Variants in UBXN2A observed in about 807,000 individuals in gnomAD.
UBXN2A encodes the protein UBX domain-containing protein 2A.
Under a neutral mutation model 28.4 loss-of-function variants are expected in UBXN2A, and 28 were observed. The ratio of observed to expected loss-of-function variants is 0.99; its 90% CI spans 0.73 to 1.35. UBXN2A has a LOEUF of 1.35. UBXN2A is among the 40% of genes most tolerant of loss of function. The pLI, the probability that UBXN2A is intolerant of heterozygous loss-of-function variation, is 0.00. For missense variants in UBXN2A, 253 were observed against 297.9 expected, an observed-to-expected ratio of 0.85 and a Z score of 1.11; for synonymous variants, 97 against 103.6, an observed-to-expected ratio of 0.94 and a Z score of 0.39.
At chr2:23,952,762 A>G (rs1296112291) in intron 1 of UBXN2A, among the ~76,000 whole-genome samples, 1 of 152,084 alleles carries the variant, frequency 6.6e-6, no homozygotes, top group Non-Finnish European at 1.5e-5. Flanking sequence ...TATTTTTTGT[A>G]GAGATGGGGT....
intron 6 of UBXN2A, among the ~76,000 whole-genome samples, chr2:23,990,722 T>C (rs1243885886): frequency 1.3e-5 from 2 of 149,378 alleles, no homozygotes; most frequent in Non-Finnish European, 3.0e-5. Flanking sequence ...TGCAGTGAGC[T>C]GAAATCACAC....
intron 6 of UBXN2A, among the ~76,000 whole-genome samples, chr2:23,988,518 T>C (rs1159433833): frequency 2.0e-5 from 3 of 152,182 alleles, no homozygotes; most frequent in Admixed American, 6.5e-5. Flanking sequence ...AGGTCACTAA[T>C]TTTGGCAGGG....
intron 2 of UBXN2A, among the ~76,000 whole-genome samples, chr2:23,967,995 G>A (rs1356767524): frequency 2.0e-5 from 3 of 151,692 alleles, no homozygotes; most frequent in Non-Finnish European, 2.9e-5. Context: ...AGTTAGTCAC[G>A]GCATTCTAGT....
In UBXN2A at chr2:24,003,963, C is replaced by T. The variant is rs939378256; in HGVS notation, c.*4096C>T. On this transcript the variant is annotated 3_prime_UTR_variant, in exon 7 of 7. Transcript: ENST00000309033. ...AGAAAAGCCTCTTTGGTAGATTTTC[C>T]GGTTTATAATTATTTAACCAGAAGA... 5.3e-5 allele frequency: 8 copies of T among 151,996 alleles called. No homozygotes were observed. Among genetic ancestry groups the T allele is most frequent in the African/African-American group, 1.7e-4 (7 of 41,386 alleles). 9.4% of individuals were successfully genotyped at this position (151,996 alleles called of 1,614,324 possible).
intron 2 of UBXN2A, among the ~76,000 whole-genome samples, chr2:23,966,289 C>G (rs1707158478): frequency 6.6e-6 from 1 of 152,082 alleles, no homozygotes; most frequent in South Asian, 2.1e-4. Flanking sequence ...CAGGCACATG[C>G]CACCACTCCA....
At chr2:23,970,767 C>T (rs1003924915) in intron 2 of UBXN2A, among the ~76,000 whole-genome samples, 2 of 151,704 alleles carry the variant, frequency 1.3e-5, no homozygotes, top group East Asian at 1.9e-4. Flanking sequence ...TGGGAAACAG[C>T]GACAGATCAT....
At chr2:23,981,614 C>T (rs1707909379) in intron 4 of UBXN2A, among the ~76,000 whole-genome samples, 1 of 151,744 alleles carries the variant, frequency 6.6e-6, no homozygotes, top group Non-Finnish European at 1.5e-5. Flanking sequence ...TGTCCTTTGG[C>T]CGGGCGTGGT....
intron 1 of UBXN2A, among the ~76,000 whole-genome samples, chr2:23,957,279 C>A (rs1367662753): frequency 6.6e-6 from 1 of 151,792 alleles, no homozygotes; most frequent in Admixed American, 6.6e-5. Context: ...GTAGCTGGAA[C>A]CACAGAGGTG....
rs1288069276 is a variant in UBXN2A at position 24,002,608 on chromosome 2, C to T, written c.*2741C>T. 1 of 152,144 alleles carries T rather than the reference C, an allele frequency of 6.6e-6. No individual in the cohort carries two copies. The highest frequency in any genetic ancestry group is 6.6e-5 in the Admixed American group (1 of 15,266). The allele number at this position is 152,144 out of a possible 1,614,324, so 9.4% of individuals were successfully genotyped here. Reference sequence around the variant, plus strand: ...TATTTTTAGTAGAGACGGGGTTTCGCCATGTTGGCCTGGCTGGCCTCTAAC... The same window carrying T: ...TATTTTTAGTAGAGACGGGGTTTCGTCATGTTGGCCTGGCTGGCCTCTAAC... On this transcript the variant is annotated 3_prime_UTR_variant, in exon 7 of 7. Transcript: ENST00000309033.
intron 5 of UBXN2A, 109 bp downstream of exon 5, chr2:23,983,142 A>G (rs1707983885): frequency 2.4e-6 from 3 of 1,232,236 alleles, no homozygotes; most frequent in Middle Eastern, 2.1e-4. Flanking sequence ...CATTTCTCCC[A>G]TTGGAAATCA....
At chr2:23,933,087 A>T (rs186132744) in intron 1 of UBXN2A, among the ~76,000 whole-genome samples, 26 of 152,262 alleles carry the variant, frequency 1.7e-4, no homozygotes, top group African/African-American at 5.8e-4. Flanking sequence ...CCTGGGCAAC[A>T]GAGCGAGACT....
At chr2:23,981,625 G>T (rs1023297572) in intron 4 of UBXN2A, among the ~76,000 whole-genome samples, 3 of 152,044 alleles carry the variant, frequency 2.0e-5, no homozygotes, top group Non-Finnish European at 4.4e-5. Flanking sequence ...CGGGCGTGGT[G>T]GCTCACACCT....
intron 6 of UBXN2A, among the ~76,000 whole-genome samples, chr2:23,987,792 C>CA: frequency 8.3e-6 from 1 of 120,466 alleles, no homozygotes; most frequent in South Asian, 2.8e-4. Flanking sequence ...AAAAAAAAAA[C>CA]AAAAAAAACT....
intron 2 of UBXN2A, among the ~76,000 whole-genome samples, chr2:23,958,691 A>G (rs968222148): frequency 6.6e-6 from 1 of 152,202 alleles, no homozygotes; most frequent in African/African-American, 2.4e-5. Context: ...CTTTGGAGTC[A>G]GATAAACCTA....
upstream of UBXN2A, among the ~76,000 whole-genome samples, chr2:23,936,907 C>T (rs1215940142): frequency 1.3e-5 from 2 of 152,014 alleles, no homozygotes; most frequent in Non-Finnish European, 2.9e-5. Context: ...GACGGGGTTT[C>T]ACCATGTTGC....
intron 2 of UBXN2A, among the ~76,000 whole-genome samples, chr2:23,970,613 G>A (rs1707374380): frequency 2.0e-5 from 3 of 152,042 alleles, no homozygotes; most frequent in South Asian, 4.2e-4. Flanking sequence ...GATGATTCAA[G>A]CACATTACAT....
intron 2 of UBXN2A, among the ~76,000 whole-genome samples, chr2:23,962,749 G>A (rs1198220210): frequency 6.6e-6 from 1 of 151,940 alleles, no homozygotes; most frequent in Admixed American, 6.6e-5. Context: ...GGAATTACAG[G>A]CATGTGCAAC....
intron 1 of UBXN2A, among the ~76,000 whole-genome samples, chr2:23,934,017 A>C (rs1172424009): frequency 1.3e-5 from 2 of 152,114 alleles, no homozygotes; most frequent in Non-Finnish European, 2.9e-5. Context: ...GGAGATTGAG[A>C]CCAGCCTGGC....
intron 1 of UBXN2A, among the ~76,000 whole-genome samples, chr2:23,929,263 C>T (rs116270933): frequency 0.026 from 3,960 of 152,136 alleles, 170 homozygotes; most frequent in African/African-American, 0.091. Context: ...GCTGAAACTA[C>T]TGGGTGTGGT....
Sources: allele counts gnomAD v4.1 joint callset (sites outside exome capture counted in the v4.1 genomes callset), GRCh38; gene constraint gnomAD v4.1.1; transcripts MANE v1.5; gene names NCBI Gene and HGNC (gene_info 2026-07-23, HGNC 2026-07-21).